The following RBFOX1 variants were observed in gnomAD, a reference collection of about 807,000 sequenced individuals.
RBFOX1 encodes the protein RNA binding protein fox-1 homolog 1.
A neutral mutation model predicts 57.7 loss-of-function variants in RBFOX1; 8 were observed. The observed-to-expected ratio is 0.14, with a 90% CI of 0.08 to 0.25. The LOEUF is 0.25. RBFOX1 is among the 10% of genes least tolerant of loss of function. The probability of loss-of-function intolerance (pLI) is 1.00; values close to 1 mark genes in which losing one functional copy is unlikely to be tolerated. For missense variants in RBFOX1, 611 were observed against 548.5 expected, an observed-to-expected ratio of 1.11 and a Z score of -1.14; for synonymous variants, 326 against 222.4, an observed-to-expected ratio of 1.47 and a Z score of -4.15.
intron 1 of RBFOX1, among the ~76,000 whole-genome samples, chr16:6,258,255 A>G (rs1268928074): frequency 2.6e-5 from 4 of 152,228 alleles, no homozygotes; most frequent in Admixed American, 2.0e-4. Context: ...GCTCTTGTAC[A>G]TATTGCATAA....
intron 2 of RBFOX1, among the ~76,000 whole-genome samples, chr16:5,530,840 C>T (rs993976591): frequency 2.0e-5 from 3 of 149,028 alleles, no homozygotes; most frequent in African/African-American, 7.3e-5. Context: ...GTAATCCCAG[C>T]ACTTTGGGAG....
intron 13 of RBFOX1, among the ~76,000 whole-genome samples, chr16:7,666,724 C>T (rs750546996): frequency 2.0e-5 from 3 of 152,148 alleles, no homozygotes; most frequent in Non-Finnish European, 2.9e-5. Flanking sequence ...AGAGAAAAAA[C>T]AAAGTTAGAA....
intron 1 of RBFOX1, among the ~76,000 whole-genome samples, chr16:5,378,550 G>T (rs1446403088): frequency 6.6e-6 from 1 of 151,482 alleles, no homozygotes; most frequent in Non-Finnish European, 1.5e-5. Flanking sequence ...CTCCACTAGG[G>T]CAGCAAGTTG....
intron 4 of RBFOX1, among the ~76,000 whole-genome samples, chr16:7,433,176 C>G (rs1427504304): frequency 6.6e-6 from 1 of 152,150 alleles, no homozygotes; most frequent in African/African-American, 2.4e-5. Flanking sequence ...TCTGGGACTT[C>G]TTAGGAGGAA....
At chr16:7,625,329 G>C (rs1014505796) in intron 10 of RBFOX1, among the ~76,000 whole-genome samples, 3 of 151,916 alleles carry the variant, frequency 2.0e-5, no homozygotes, top group Admixed American at 6.6e-5. Context: ...CCAGCCCTTC[G>C]AGCAGTCTTT....
chr16:5,436,199 C>T (rs1454892869), intron 1 of RBFOX1, among the ~76,000 whole-genome samples: 1 of 152,202 alleles, frequency 6.6e-6, no homozygotes, highest in African/African-American at 2.4e-5. Flanking sequence ...CTGATCCCTG[C>T]CTAGGAGGCC....
intron 9 of RBFOX1, 125 bp from the exon 10 acceptor site, chr16:7,607,160 A>G: frequency 1.3e-6 from 1 of 790,660 alleles, no homozygotes; most frequent in Non-Finnish European, 2.0e-6. Flanking sequence ...TGCCCAAACG[A>G]CACCTCCTTT....
At chr16:7,207,521 C>T (rs923629353) in intron 4 of RBFOX1, among the ~76,000 whole-genome samples, 10 of 152,088 alleles carry the variant, frequency 6.6e-5, no homozygotes, top group Non-Finnish European at 1.5e-4. Flanking sequence ...AATAGATGAT[C>T]CAGTGAATAT....
At position 5,322,806 on chromosome 16, in the gene RBFOX1, T is replaced by C. The variant is rs62016153; in HGVS notation, c.219+82701T>C. On this transcript the variant is annotated intron_variant, in intron 1 of 2. Coordinates refer to the RBFOX1 transcript ENST00000585867. ...CAGTGTACCTACCTTATTCTACTTA[T>C]TTTGAGAGTTAAATGTTATAATGCA... 3.0e-3 allele frequency among the ~76,000 whole-genome samples: 450 copies of C among 152,350 alleles called. 3 individuals carry two copies. The highest frequency in any genetic ancestry group is 4.4e-3 in the Non-Finnish European group (296 of 68,026).
At chr16:6,250,288 G>A (rs2097598348) in intron 1 of RBFOX1, among the ~76,000 whole-genome samples, 1 of 152,252 alleles carries the variant, frequency 6.6e-6, no homozygotes, top group Middle Eastern at 3.4e-3. Context: ...TTTAATGGAT[G>A]AAATATGCAG....
chr16:6,183,343 G>A (rs555149238), intron 1 of RBFOX1, among the ~76,000 whole-genome samples: 11 of 151,830 alleles, frequency 7.2e-5, no homozygotes, highest in South Asian at 2.1e-4. Flanking sequence ...AGCCAGGTGC[G>A]GTGCCATACT....
chr16:6,332,334 G>A (rs1198905486), intron 2 of RBFOX1, among the ~76,000 whole-genome samples: 1 of 152,068 alleles, frequency 6.6e-6, no homozygotes, highest in African/African-American at 2.4e-5. Context: ...CTACACTGGT[G>A]GGAAAAAATA....
intron 1 of RBFOX1, among the ~76,000 whole-genome samples, chr16:6,138,950 C>A (rs2096690440): frequency 6.6e-6 from 1 of 152,138 alleles, no homozygotes; most frequent in South Asian, 2.1e-4. Context: ...GACTTGCCCA[C>A]ACTGAAGAGG....
At chr16:6,353,491 A>C (rs1288769011) in intron 2 of RBFOX1, among the ~76,000 whole-genome samples, 1 of 151,870 alleles carries the variant, frequency 6.6e-6, no homozygotes, top group South Asian at 2.1e-4. Context: ...GTCCCTTTTA[A>C]GTGTAGGGCA....
chr16:5,707,577 C>G (rs762265499), intron 3 of RBFOX1, among the ~76,000 whole-genome samples: 3 of 152,192 alleles, frequency 2.0e-5, no homozygotes, highest in African/African-American at 7.2e-5. Flanking sequence ...TCCCCCAACA[C>G]TCCAGCTATA....
intron 1 of RBFOX1, among the ~76,000 whole-genome samples, chr16:5,254,874 G>A (rs1349180462): frequency 6.6e-6 from 1 of 152,202 alleles, no homozygotes; most frequent in South Asian, 2.1e-4. Flanking sequence ...TGTAGGTGGA[G>A]CGAAGAGGGT....
intron 10 of RBFOX1, among the ~76,000 whole-genome samples, chr16:7,608,139 G>A (rs1202194543): frequency 1.3e-5 from 2 of 152,154 alleles, no homozygotes; most frequent in African/African-American, 2.4e-5. Flanking sequence ...TCTTTGATGT[G>A]GCTCTTGCTT....
At chr16:6,402,428 T>C (rs2093111308) in intron 2 of RBFOX1, among the ~76,000 whole-genome samples, 1 of 152,254 alleles carries the variant, frequency 6.6e-6, no homozygotes. Context: ...TGCTTTTTTT[T>C]CCTTTGGATC....
chr16:6,677,334 T>C (rs2057906742), intron 3 of RBFOX1, among the ~76,000 whole-genome samples: 1 of 152,166 alleles, frequency 6.6e-6, no homozygotes, highest in South Asian at 2.1e-4. Flanking sequence ...AACACTGAAC[T>C]GATATATCTC....
Sources: allele counts gnomAD v4.1 joint callset (sites outside exome capture counted in the v4.1 genomes callset), GRCh38; gene constraint gnomAD v4.1.1; transcripts MANE v1.5; gene names NCBI Gene and HGNC (gene_info 2026-07-23, HGNC 2026-07-21).